Variants in FABP12 observed in about 807,000 individuals in gnomAD.
FABP12 encodes the protein fatty acid-binding protein 12.
Under a neutral mutation model 13.7 loss-of-function variants are expected in FABP12, and 19 were observed. The observed-to-expected ratio is 1.39, with a 90% confidence interval of 0.97 to 2.04. The LOEUF is 2.04. FABP12 is among the 30% of genes most tolerant of loss of function. The probability of loss-of-function intolerance (pLI) is 0.00; values close to 1 mark genes in which losing one functional copy is unlikely to be tolerated. For synonymous variants in FABP12, 61 were observed against 57.0 expected, an observed-to-expected ratio of 1.07 and a Z score of -0.32; for missense variants, 182 against 164.2, an observed-to-expected ratio of 1.11 and a Z score of -0.59.
chr8:81,586,868 G>C (rs1233356086), intron 1 of FABP12, among the ~76,000 whole-genome samples: 1 of 152,068 alleles, frequency 6.6e-6, no homozygotes, highest in African/African-American at 2.4e-5. Context: ...GTCTTTGGAA[G>C]GGCTAATGTC....
At chr8:81,573,132 G>A (rs1809966491) in intron 1 of FABP12, among the ~76,000 whole-genome samples, 1 of 152,168 alleles carries the variant, frequency 6.6e-6, no homozygotes, top group Non-Finnish European at 1.5e-5. Flanking sequence ...TGTATAAGGT[G>A]AGAGATGAGG....
chr8:81,550,846 A>G (rs969442326), intron 1 of FABP12, among the ~76,000 whole-genome samples: 2 of 152,214 alleles, frequency 1.3e-5, no homozygotes, highest in Non-Finnish European at 2.9e-5. Flanking sequence ...AATCAATGTC[A>G]GGAATAACAT....
intron 2 of FABP12, among the ~76,000 whole-genome samples, chr8:81,539,491 C>T (rs1182674932): frequency 3.1e-5 from 4 of 130,106 alleles, no homozygotes; most frequent in East Asian, 2.3e-4. Flanking sequence ...CACCCACTCC[C>T]GTCAATTTTC....
chr8:81,543,594 G>A (rs568644407), intron 1 of FABP12, among the ~76,000 whole-genome samples: 43 of 152,290 alleles, frequency 2.8e-4, no homozygotes, highest in African/African-American at 9.1e-4. Flanking sequence ...TAACCTATAA[G>A]TATATAAAAG....
chr8:81,588,401 T>A (rs1249255957), intron 1 of FABP12, among the ~76,000 whole-genome samples: 2 of 152,252 alleles, frequency 1.3e-5, no homozygotes, highest in African/African-American at 4.8e-5. Flanking sequence ...ATATTCTTTG[T>A]AAATTGTAGC....
intron 1 of FABP12, among the ~76,000 whole-genome samples, chr8:81,570,894 C>T (rs1280173214): frequency 6.6e-6 from 1 of 152,130 alleles, no homozygotes; most frequent in Non-Finnish European, 1.5e-5. Context: ...GAAGCCCAGC[C>T]CCCAGCCTTC....
chr8:81,570,970 T>A (rs1809920754), intron 1 of FABP12, among the ~76,000 whole-genome samples: 1 of 152,152 alleles, frequency 6.6e-6, no homozygotes, highest in East Asian at 1.9e-4. Context: ...GGAGCCCGTA[T>A]GCCTCCTGCC....
intron 1 of FABP12, among the ~76,000 whole-genome samples, chr8:81,567,038 A>T (rs1809834625): frequency 6.6e-6 from 1 of 152,204 alleles, no homozygotes; most frequent in Admixed American, 6.5e-5. Flanking sequence ...AAAGAAATAA[A>T]GTAATCCCAT....
chr8:81,573,757 T>C (rs1335285374), intron 1 of FABP12, among the ~76,000 whole-genome samples: 1 of 152,188 alleles, frequency 6.6e-6, no homozygotes, highest in African/African-American at 2.4e-5. Context: ...CTCTGCTTGT[T>C]CACTCTTGGT....
At chr8:81,547,448 C>T (rs925145860) in intron 1 of FABP12, among the ~76,000 whole-genome samples, 2 of 152,202 alleles carry the variant, frequency 1.3e-5, no homozygotes, top group African/African-American at 2.4e-5. Flanking sequence ...GTTCCAGTTT[C>T]TTAATTACTA....
rs1012751401 is a variant in FABP12 at position 81,559,841 on chromosome 8, A to G, written c.-184-20098T>C. ...ACAGGATGAAGTGATCAACCTCTAG[A>G]GTCTAGCTCAGGAGGAAGCAATTTC... On this transcript the variant is annotated intron_variant, in intron 1 of 5. Transcript: ENST00000692030. 2.6e-5 allele frequency among the ~76,000 whole-genome samples: 4 copies of G among 152,334 alleles called. No homozygotes were observed. The East Asian group carries it at 7.7e-4, about 29-fold the overall frequency.
upstream of FABP12, among the ~76,000 whole-genome samples, chr8:81,538,918 A>G (rs1176844304): frequency 6.6e-6 from 1 of 152,102 alleles, no homozygotes; most frequent in African/African-American, 2.4e-5. Flanking sequence ...GTGCAATATC[A>G]GCTCACTGCA....
At chr8:81,568,644 A>G (rs980336143) in intron 1 of FABP12, among the ~76,000 whole-genome samples, 4 of 151,996 alleles carry the variant, frequency 2.6e-5, no homozygotes, top group Non-Finnish European at 4.4e-5. Flanking sequence ...TGCCCAAAAT[A>G]GAGGAAATCA....
chr8:81,553,910 G>T (rs1208781633), intron 1 of FABP12, among the ~76,000 whole-genome samples: 1 of 152,034 alleles, frequency 6.6e-6, no homozygotes, highest in Non-Finnish European at 1.5e-5. Flanking sequence ...ACATAACAAG[G>T]GTTTCTTTCA....
chr8:81,527,449 G>A (rs768203188), intron 3 of FABP12, among the ~76,000 whole-genome samples: 8 of 151,920 alleles, frequency 5.3e-5, no homozygotes, highest in Non-Finnish European at 8.8e-5. Context: ...TGCAACCTCC[G>A]ACTCTCTGGT....
At chr8:81,573,419 T>C (rs1809970319) in intron 1 of FABP12, among the ~76,000 whole-genome samples, 1 of 152,140 alleles carries the variant, frequency 6.6e-6, no homozygotes, top group Non-Finnish European at 1.5e-5. Context: ...TTAGTCTTGC[T>C]TTTGGCTATG....
intron 1 of FABP12, among the ~76,000 whole-genome samples, chr8:81,568,836 G>A (rs1043515889): frequency 6.6e-6 from 1 of 152,176 alleles, no homozygotes; most frequent in Non-Finnish European, 1.5e-5. Context: ...AGTACATTAT[G>A]TTAAGTGAAA....
chr8:81,574,585 T>A lies in FABP12; in HGVS notation c.-185+15468A>T, dbSNP rs1293596077. Reference sequence around the variant, plus strand: ...CTGCTGTGAATCATCTGGTCCTGGATTTTTTTGTTGGTAATTTTTTAATTA... The same window carrying A: ...CTGCTGTGAATCATCTGGTCCTGGAATTTTTTGTTGGTAATTTTTTAATTA... On this transcript the variant is annotated intron_variant, in intron 1 of 5. Transcript: ENST00000692030. 2.0e-5 allele frequency among the ~76,000 whole-genome samples: 3 copies of A among 152,114 alleles called. No homozygotes were observed. The East Asian group carries it at 5.8e-4, about 29-fold the overall frequency.
At chr8:81,583,674 C>A (rs1356209359) in intron 1 of FABP12, among the ~76,000 whole-genome samples, 1 of 152,016 alleles carries the variant, frequency 6.6e-6, no homozygotes, top group African/African-American at 2.4e-5. Flanking sequence ...AGACCAATAA[C>A]AAGTAATAAG....
Sources: gnomAD v4.1 joint callset for allele counts (sites outside exome capture counted in the v4.1 genomes callset) on GRCh38, gnomAD v4.1.1 for gene constraint, MANE v1.5 for transcripts, NCBI Gene and HGNC (gene_info 2026-07-23, HGNC 2026-07-21) for gene names.